Variants in DRC3 observed in about 807,000 individuals in gnomAD.
The protein encoded by DRC3 is dynein regulatory complex subunit 3, also known as leucine rich repeat containing 48.
A neutral mutation model predicts 57.6 loss-of-function variants in DRC3; 45 were observed. The observed-to-expected ratio is 0.78, with a 90% CI of 0.62 to 1.00. DRC3 has a LOEUF of 1.00. DRC3 is among the 50% of genes least tolerant of loss of function. The pLI is 0.00. For synonymous variants in DRC3, 257 were observed against 272.3 expected (o/e 0.94, Z 0.55); for missense variants, 655 against 675.2 (o/e 0.97, Z 0.33).
At chr17:17,979,905 A>G (rs2042574314) in intron 3 of DRC3, among the ~76,000 whole-genome samples, 1 of 152,176 alleles carries the variant, frequency 6.6e-6, no homozygotes, top group Non-Finnish European at 1.5e-5. Flanking sequence ...AGCCCTGGGA[A>G]CCCAGGAGAG....
At chr17:18,001,938 G>C (rs142100003) in intron 9 of DRC3, among the ~76,000 whole-genome samples, 1 of 150,938 alleles carries the variant, frequency 6.6e-6, no homozygotes, top group Non-Finnish European at 1.5e-5. Context: ...AGACCAAGGC[G>C]GGCGGGTCAC....
At chr17:17,983,989 C>A in intron 4 of DRC3, 45 bp downstream of exon 4, 1 of 1,277,760 alleles carries the variant, frequency 7.8e-7, no homozygotes, top group Non-Finnish European at 1.1e-6. Context: ...GAAGGTGACA[C>A]CCTGACAAGG....
chr17:17,999,895 C>T (rs541847293), intron 9 of DRC3, among the ~76,000 whole-genome samples: 1 of 152,334 alleles, frequency 6.6e-6, no homozygotes, highest in Admixed American at 6.5e-5. Flanking sequence ...GATACGGTCT[C>T]CCTCCTACTC....
At chr17:17,990,471 A>C (rs2043178087) in intron 5 of DRC3, among the ~76,000 whole-genome samples, 1 of 152,186 alleles carries the variant, frequency 6.6e-6, no homozygotes, top group Non-Finnish European at 1.5e-5. Flanking sequence ...GCATGTGCCA[A>C]GTTCTTTGCT....
chr17:17,995,179 G>C, intron 8 of DRC3, 68 bp downstream of exon 8: 1 of 1,093,742 alleles, frequency 9.1e-7, no homozygotes, highest in Non-Finnish European at 1.4e-6. Flanking sequence ...GGCCCCTTCC[G>C]CTCTAGGCCT....
intron 12 of DRC3, among the ~76,000 whole-genome samples, chr17:18,014,355 C>T (rs1430838355): frequency 1.3e-5 from 2 of 152,224 alleles, no homozygotes; most frequent in Admixed American, 6.5e-5. Flanking sequence ...CCTGCCTCCA[C>T]CCTAGTGCTT....
At chr17:17,993,285 A>G in intron 6 of DRC3, 1 of 185,096 alleles carries the variant, frequency 5.4e-6, no homozygotes, top group Admixed American at 5.6e-5. Context: ...AAGGAGTTCA[A>G]GACCAGCCTG....
intron 9 of DRC3, among the ~76,000 whole-genome samples, chr17:18,000,375 T>C (rs1053827877): frequency 2.6e-5 from 4 of 151,972 alleles, no homozygotes; most frequent in Non-Finnish European, 4.4e-5. Flanking sequence ...TGTGTGTGTG[T>C]GTGTGTGCAT....
intron 9 of DRC3, among the ~76,000 whole-genome samples, chr17:18,000,290 C>T (rs1011906135): frequency 9.4e-6 from 1 of 106,230 alleles, no homozygotes; most frequent in Admixed American, 1.2e-4. Flanking sequence ...TTGCTCTGTA[C>T]TTTGCTTTCG....
At chr17:17,987,297 A>C (rs925435872) in intron 4 of DRC3, among the ~76,000 whole-genome samples, 6 of 147,994 alleles carry the variant, frequency 4.1e-5, no homozygotes, top group African/African-American at 1.2e-4. Context: ...GTTGGGGTTG[A>C]GGGAGCCTGA....
In DRC3 at chr17:18,016,858, C is replaced by A; in HGVS notation, c.*187C>A. ...TAGAGAAAATAAAGGACTCATTTCA[C>A]ATTTCCCCTACTCATAAAAAAAAAA... On this transcript the variant is annotated 3_prime_UTR_variant, in exon 14 of 14. Coordinates refer to ENST00000399187, the MANE Select transcript of DRC3 (RefSeq NM_031294.4). 2.3e-6 allele frequency: 1 copy of A among 442,982 alleles called. No homozygotes were observed. 27.4% of individuals were successfully genotyped at this position (442,982 alleles called of 1,614,324 possible).
At chr17:17,979,074 T>G (rs2042531363) in intron 3 of DRC3, among the ~76,000 whole-genome samples, 1 of 151,106 alleles carries the variant, frequency 6.6e-6, no homozygotes, top group Admixed American at 6.6e-5. Context: ...TTTTATAGAG[T>G]GGCCAGGGGC....
rs1412264414 is a variant in DRC3, at chr17:17,987,940, TTC to T, written c.287_288del (p.Phe96Ter). The T allele has an allele frequency of 6.2e-7, 1 of 1,613,758 alleles. No individual in the cohort carries two copies. Among genetic ancestry groups the T allele is most frequent in the Non-Finnish European group, 8.5e-7 (1 of 1,179,858 alleles). On this transcript the variant is annotated frameshift_variant, in exon 5 of 14. Coordinates refer to ENST00000399187, the MANE Select transcript of DRC3 (RefSeq NM_031294.4). LOFTEE classifies it high-confidence loss of function. ...LAHLVWLDLS[F>X]NNIETIEGLD... is the part of the protein sequence containing the mutation. ...CCCTCTCTTCTTCCCAGATCTGTCT[TTC>T]AACAACATTGAGACCATCGAGGGGC... is the stretch of plus-strand genomic sequence containing the variant.
chr17:17,991,752 C>T (rs1228513142), intron 5 of DRC3, among the ~76,000 whole-genome samples: 1 of 151,548 alleles, frequency 6.6e-6, no homozygotes, highest in Middle Eastern at 3.2e-3. Context: ...CTGGAATGTT[C>T]CCCTAGCTGT....
chr17:17,994,517 AAC>A (rs2043373378), intron 7 of DRC3, 99 bp downstream of exon 7: 2 of 1,460,736 alleles, frequency 1.4e-6, no homozygotes, highest in South Asian at 1.3e-5. Context: ...AGGCTCTGAA[AAC>A]ACAGAAATCA....
intron 2 of DRC3, among the ~76,000 whole-genome samples, chr17:17,976,815 A>C (rs1010926461): frequency 6.6e-6 from 1 of 152,204 alleles, no homozygotes. Context: ...AGAAGGAGGC[A>C]GCCTCTGTCT....
intron 8 of DRC3, among the ~76,000 whole-genome samples, chr17:17,995,322 T>G (rs2043414774): frequency 6.6e-6 from 1 of 152,204 alleles, no homozygotes. Flanking sequence ...CAGGGACATG[T>G]GTAGTATCTG....
intron 9 of DRC3, 25 bp downstream of exon 9, chr17:17,997,659 C>T (rs1186074093): frequency 1.3e-6 from 2 of 1,559,320 alleles, no homozygotes; most frequent in African/African-American, 2.7e-5. Context: ...TCCTGAGGCC[C>T]TCCCTGTCTC....
chr17:17,983,289 G>A (rs2042798906), intron 3 of DRC3, among the ~76,000 whole-genome samples: 2 of 152,236 alleles, frequency 1.3e-5, no homozygotes. Context: ...TATATACAGT[G>A]TGGAGATAGA....
Sources: allele counts gnomAD v4.1 joint callset (sites outside exome capture counted in the v4.1 genomes callset), GRCh38; gene constraint gnomAD v4.1.1; transcripts MANE v1.5; gene names NCBI Gene and HGNC (gene_info 2026-07-23, HGNC 2026-07-21).